SLC22A24: variants seen among roughly 807,000 people sequenced by gnomAD.
The protein encoded by SLC22A24 is solute carrier family 22 member 24.
A neutral mutation model predicts 49.8 loss-of-function variants in SLC22A24; 53 were observed. That is an observed-to-expected ratio of 1.06 (90% CI 0.85 to 1.34). The LOEUF is 1.34. Ranked by LOEUF, SLC22A24 falls within the 40% of genes most tolerant of loss-of-function variation. The probability of loss-of-function intolerance (pLI) is 0.00; values close to 1 mark genes in which losing one functional copy is unlikely to be tolerated. For missense variants in SLC22A24, 786 were observed against 675.9 expected (o/e 1.16, Z -1.81); for synonymous variants, 302 against 256.4 (o/e 1.18, Z -1.70).
rs1555045310 is a variant in SLC22A24, at chr11:63,087,024, G to GCACACACACACACA, written c.1071-3581_1071-3568dup. On this transcript the variant is annotated intron_variant, in intron 6 of 9. Transcript: ENST00000612278. ...AATTAAGCTTTTCTGCCTGGAGGGC[G>GCACACACACACACA]CACACACACACACACACACACACAC... Among the ~76,000 whole-genome samples, 640 of 132,604 alleles carry GCACACACACACACA rather than the reference G, an allele frequency of 4.8e-3. 1 individual carries two copies. Among genetic ancestry groups the GCACACACACACACA allele is most frequent in the East Asian group, 0.014 (60 of 4,444 alleles). 87.0% of individuals were successfully genotyped at this position (132,604 alleles called of 152,430 possible).
chr11:63,129,500 C>T (rs1056614694), intron 2 of SLC22A24, among the ~76,000 whole-genome samples: 4 of 151,740 alleles, frequency 2.6e-5, no homozygotes, highest in African/African-American at 9.7e-5. Context: ...AGTTTTTTTT[C>T]CAATTCTGTG....
At chr11:63,100,515 T>A (rs926255215) in intron 5 of SLC22A24, among the ~76,000 whole-genome samples, 1 of 152,056 alleles carries the variant, frequency 6.6e-6, no homozygotes, top group Non-Finnish European at 1.5e-5. Flanking sequence ...ACAGATACAA[T>A]GCAATATACC....
intron 5 of SLC22A24, among the ~76,000 whole-genome samples, chr11:63,101,915 G>A (rs545468137): frequency 6.6e-6 from 1 of 152,184 alleles, no homozygotes; most frequent in South Asian, 2.1e-4. Context: ...GAGATAAAGA[G>A]TAGAAGGATG....
intron 7 of SLC22A24, among the ~76,000 whole-genome samples, chr11:63,082,183 C>G (rs1242196352): frequency 6.6e-6 from 1 of 151,988 alleles, no homozygotes; most frequent in African/African-American, 2.4e-5. Flanking sequence ...GATATTCTAC[C>G]ATATAGTAAG....
intron 6 of SLC22A24, among the ~76,000 whole-genome samples, chr11:63,087,598 G>A (rs1289478959): frequency 6.6e-6 from 1 of 152,216 alleles, no homozygotes; most frequent in Non-Finnish European, 1.5e-5. Context: ...CCCTGGAAAA[G>A]GGGCTGAGGC....
intron 5 of SLC22A24, among the ~76,000 whole-genome samples, chr11:63,097,494 A>G (rs1250102975): frequency 1.3e-5 from 2 of 152,200 alleles, no homozygotes; most frequent in Non-Finnish European, 2.9e-5. Flanking sequence ...TAGGTCAATC[A>G]TTGTGGAAGA....
intron 4 of SLC22A24, among the ~76,000 whole-genome samples, chr11:63,114,132 C>T (rs1217290944): frequency 1.3e-5 from 2 of 152,122 alleles, no homozygotes; most frequent in Non-Finnish European, 2.9e-5. Context: ...TGGGGAAATT[C>T]TCCTGGATAA....
intron 5 of SLC22A24, among the ~76,000 whole-genome samples, chr11:63,099,636 G>A (rs184252821): frequency 1.3e-5 from 2 of 151,868 alleles, no homozygotes; most frequent in Non-Finnish European, 2.9e-5. Flanking sequence ...GAAAACTACA[G>A]GTTAATATCC....
At chr11:63,137,687 C>T (rs4963249) in intron 1 of SLC22A24, among the ~76,000 whole-genome samples, 3 of 152,008 alleles carry the variant, frequency 2.0e-5, no homozygotes, top group Admixed American at 1.3e-4. Context: ...CCCATGCAGC[C>T]CATTGGGCAG....
chr11:63,121,339 CAT>C (rs1245147353), intron 2 of SLC22A24, among the ~76,000 whole-genome samples: 1 of 152,010 alleles, frequency 6.6e-6, no homozygotes, highest in Non-Finnish European at 1.5e-5. Context: ...TAAAGAAACA[CAT>C]ATCGAGATGT....
At chr11:63,082,313 A>G (rs1427079344) in intron 7 of SLC22A24, among the ~76,000 whole-genome samples, 1 of 152,236 alleles carries the variant, frequency 6.6e-6, no homozygotes, top group Non-Finnish European at 1.5e-5. Context: ...ATAATATCAC[A>G]CTGGGAACCA....
intron 6 of SLC22A24, among the ~76,000 whole-genome samples, chr11:63,093,504 A>G (rs1430892072): frequency 6.6e-6 from 1 of 152,220 alleles, no homozygotes; most frequent in Non-Finnish European, 1.5e-5. Context: ...ATGGAATACT[A>G]TGCAGCCATA....
chr11:63,133,420 G>C (rs546729514), intron 2 of SLC22A24, among the ~76,000 whole-genome samples: 2 of 148,116 alleles, frequency 1.4e-5, no homozygotes, highest in South Asian at 4.3e-4. Context: ...CTGCAGACCG[G>C]AGCTATTCCT....
At chr11:63,106,533 A>G (rs1441255127) in intron 4 of SLC22A24, among the ~76,000 whole-genome samples, 1 of 152,142 alleles carries the variant, frequency 6.6e-6, no homozygotes, top group Non-Finnish European at 1.5e-5. Context: ...GGTTGTCACT[A>G]GTTTTCCACT....
chr11:63,142,856 T>C (rs2087425189), intron 1 of SLC22A24, among the ~76,000 whole-genome samples: 1 of 152,178 alleles, frequency 6.6e-6, no homozygotes, highest in Admixed American at 6.5e-5. Context: ...TTAAAAACTC[T>C]GCTCCCCGAA....
rs762415881 is a variant in SLC22A24, at chr11:63,134,709, A to G, written c.462T>C (p.Ala154=). The G allele has an allele frequency of 6.4e-7, 1 of 1,559,886 alleles. No homozygotes were observed. Among genetic ancestry groups the G allele is most frequent in the Non-Finnish European group, 8.7e-7 (1 of 1,150,796 alleles). The change falls in exon 2 of 10, where the codon GCT becomes GCC. Residue 154 remains alanine (A), a synonymous_variant. Coordinates refer to ENST00000612278, the MANE Select transcript of SLC22A24 (RefSeq NM_001136506.2). ...LKSMVQSLFM[A]GSLLGGLIYG... is the part of the protein sequence containing the mutation. ...ATATTAGACCTCCCAGAAGTGACCCAGCCATAAATAGGGATTGAACCATTG... is the reference window on the plus strand; with the variant it reads ...ATATTAGACCTCCCAGAAGTGACCCGGCCATAAATAGGGATTGAACCATTG...
At chr11:63,120,656 T>G (rs1419225995) in intron 2 of SLC22A24, among the ~76,000 whole-genome samples, 1 of 152,004 alleles carries the variant, frequency 6.6e-6, no homozygotes, top group Non-Finnish European at 1.5e-5. Flanking sequence ...AGAGTTAACT[T>G]TGACCAAATT....
Position 63,113,041 on chromosome 11 carries a change from T to TATATATAC in SLC22A24, c.830+5870_830+5871insGTATATAT. On this transcript the variant is annotated intron_variant, in intron 4 of 9. Coordinates refer to ENST00000612278, the MANE Select transcript of SLC22A24 (RefSeq NM_001136506.2). ...AAAAAAAAAAAAAAAAAAAAATATA[T>TATATATAC]ATATATATATATACATATATATATA... is the stretch of plus-strand genomic sequence containing the variant. Among the ~76,000 whole-genome samples, 2 of 7,386 alleles carry TATATATAC rather than the reference T, an allele frequency of 2.7e-4. 1 individual carries two copies. The highest frequency in any genetic ancestry group is 3.9e-4 in the African/African-American group (2 of 5,114). 4.8% of individuals were successfully genotyped at this position (7,386 alleles called of 152,430 possible).
chr11:63,119,651 A>G (rs993685655), intron 2 of SLC22A24, among the ~76,000 whole-genome samples: 3 of 152,200 alleles, frequency 2.0e-5, no homozygotes, highest in Non-Finnish European at 2.9e-5. Flanking sequence ...TCTACAAAAC[A>G]TATGCATTTA....
Sources: allele counts gnomAD v4.1 joint callset (sites outside exome capture counted in the v4.1 genomes callset), GRCh38; gene constraint gnomAD v4.1.1; transcripts MANE v1.5; gene names NCBI Gene and HGNC (gene_info 2026-07-23, HGNC 2026-07-21).